USO1: variants seen among roughly 807,000 people sequenced by gnomAD.
USO1 encodes general vesicular transport factor p115.
A neutral mutation model predicts 124.5 loss-of-function variants in USO1; 57 were observed. The ratio of observed to expected loss-of-function variants is 0.46; its 90% CI spans 0.37 to 0.57. The LOEUF is 0.57. USO1 is among the 20% of genes least tolerant of loss of function. USO1 has a pLI of 0.00. For missense variants in USO1, 900 were observed against 1,040.6 expected, an observed-to-expected ratio of 0.86 and a Z score of 1.86; for synonymous variants, 369 against 362.8, an observed-to-expected ratio of 1.02 and a Z score of -0.19.
At chr4:75,726,275 C>CT (rs1392521862) in intron 1 of USO1, among the ~76,000 whole-genome samples, 1 of 117,002 alleles carries the variant, frequency 8.5e-6, no homozygotes, top group Non-Finnish European at 1.6e-5. Context: ...GAGCGAAACT[C>CT]TGTCTCAAAA....
intron 22 of USO1, among the ~76,000 whole-genome samples, chr4:75,811,893 A>C (rs1723160788): frequency 6.6e-6 from 1 of 151,960 alleles, no homozygotes; most frequent in African/African-American, 2.4e-5. Context: ...TGTTTTTTTT[A>C]AGTCTCTTAA....
At chr4:75,769,887 AG>A (rs559131211) in intron 4 of USO1, among the ~76,000 whole-genome samples, 112 of 152,270 alleles carry the variant, frequency 7.4e-4, no homozygotes, top group African/African-American at 2.7e-3. Context: ...AGAATTTTGT[AG>A]GATATGTATA....
intron 21 of USO1, 81 bp downstream of exon 21, chr4:75,809,132 C>G (rs1723074407): frequency 3.7e-5 from 54 of 1,468,536 alleles, no homozygotes; most frequent in Admixed American, 1.1e-4. Flanking sequence ...TAAAAAGAAA[C>G]AAATTCATCA....
At chr4:75,809,151 C>A (rs1723075098) in intron 21 of USO1, 100 bp downstream of exon 21, 12 of 1,345,540 alleles carry the variant, frequency 8.9e-6, no homozygotes, top group Non-Finnish European at 9.7e-6. Context: ...CAGATAGCAC[C>A]TTCTCTTTAG....
At chr4:75,780,148 T>C (rs1192763561) in intron 8 of USO1, among the ~76,000 whole-genome samples, 2 of 152,224 alleles carry the variant, frequency 1.3e-5, no homozygotes, top group African/African-American at 2.4e-5. Flanking sequence ...CACTTCTGTG[T>C]AAGAGCATGG....
chr4:75,806,339 A>G, intron 19 of USO1, 147 bp from the exon 20 acceptor site: 12 of 1,041,976 alleles, frequency 1.2e-5, no homozygotes, highest in Non-Finnish European at 1.6e-5. Flanking sequence ...CTGTGTTGGA[A>G]TTTTATCTTG....
chr4:75,747,145 G>C (rs1398504293), intron 1 of USO1, among the ~76,000 whole-genome samples: 1 of 152,152 alleles, frequency 6.6e-6, no homozygotes, highest in African/African-American at 2.4e-5. Context: ...TGTTTATGAA[G>C]ATAGAGAAGC....
chr4:75,790,841 T>C, intron 12 of USO1, 44 bp downstream of exon 12: 1 of 1,506,936 alleles, frequency 6.6e-7, no homozygotes, highest in Middle Eastern at 2.2e-4. Context: ...AGTAAATCAT[T>C]GTCTTCCAAG....
intron 17 of USO1, 82 bp downstream of exon 17, chr4:75,801,282 C>T (rs1722844198): frequency 7.1e-7 from 1 of 1,415,458 alleles, no homozygotes; most frequent in Admixed American, 2.7e-5. Context: ...TCTGACATTT[C>T]AAATGAAAGA....
chr4:75,801,104 G>A lies in USO1; in HGVS notation c.1890G>A (p.Lys630=). 1 of 1,591,662 alleles carries A rather than the reference G, an allele frequency of 6.3e-7. No homozygotes were observed. The highest frequency in any genetic ancestry group is 8.6e-7 in the Non-Finnish European group (1 of 1,168,528). The part of the protein sequence containing the change: ...LEGVITKAIY[K]SSEEDKKEEE... ...GTGTTATAACTAAGGCTATTTATAA[G>A]TCCAGTGAAGAAGATAAAAAAGAAG... The change falls in exon 17 of 24, where the codon AAG becomes AAA. Residue 630 remains lysine, a synonymous_variant. Coordinates refer to ENST00000514213, the MANE Select transcript of USO1 (RefSeq NM_003715.4).
intron 1 of USO1, among the ~76,000 whole-genome samples, chr4:75,739,131 C>G (rs1222574225): frequency 1.3e-5 from 2 of 152,176 alleles, no homozygotes; most frequent in African/African-American, 4.8e-5. Flanking sequence ...AGATTACAGG[C>G]GTGAGCCACT....
At chr4:75,759,782 A>G (rs908344789) in intron 4 of USO1, among the ~76,000 whole-genome samples, 5 of 151,780 alleles carry the variant, frequency 3.3e-5, no homozygotes, top group African/African-American at 1.2e-4. Context: ...GGTGTTGCAC[A>G]CCTGTAATCT....
chr4:75,759,055 A>C (rs1045218719), intron 4 of USO1, among the ~76,000 whole-genome samples: 2 of 151,282 alleles, frequency 1.3e-5, no homozygotes, highest in Non-Finnish European at 2.9e-5. Context: ...ATTTGCTGGG[A>C]TAATTTTTTC....
intron 1 of USO1, among the ~76,000 whole-genome samples, chr4:75,741,823 T>C (rs558180351): frequency 1.3e-5 from 2 of 152,160 alleles, no homozygotes; most frequent in South Asian, 4.1e-4. Context: ...AGGCTGGTGT[T>C]GAACTCCTGA....
In USO1 at chr4:75,733,125, G is replaced by A. The variant is rs902724047; in HGVS notation, c.66+8240G>A. 4.0e-5 allele frequency among the ~76,000 whole-genome samples: 6 copies of A among 151,430 alleles called. No homozygotes were observed. The South Asian group carries it at 8.4e-4, about 21-fold the overall frequency. ...AATACAAAAATTAGCCGGGCGTGGT[G>A]GCGGGCACCTGTAGTCCCAGCTACT... is the stretch of plus-strand genomic sequence containing the variant. On this transcript the variant is annotated intron_variant, in intron 1 of 23. Coordinates refer to ENST00000514213, the MANE Select transcript of USO1 (RefSeq NM_003715.4).
At chr4:75,796,842 A>G (rs324738) in intron 13 of USO1, among the ~76,000 whole-genome samples, 96,913 of 149,148 alleles carry the variant, frequency 0.65, 33,535 homozygotes, top group East Asian at 0.91. Flanking sequence ...TTATATTAAC[A>G]TACTTAACCC....
chr4:75,725,815 A>G (rs1720421345), intron 1 of USO1, among the ~76,000 whole-genome samples: 1 of 152,180 alleles, frequency 6.6e-6, no homozygotes, highest in South Asian at 2.1e-4. Context: ...TTAATGGCTA[A>G]CTTTGTTAAT....
intron 4 of USO1, among the ~76,000 whole-genome samples, chr4:75,762,656 C>G (rs577673305): frequency 2.6e-5 from 4 of 152,006 alleles, no homozygotes; most frequent in Non-Finnish European, 5.9e-5. Context: ...TGGCCAGGTA[C>G]GGTGGCTCAC....
intron 4 of USO1, among the ~76,000 whole-genome samples, chr4:75,766,199 C>G (rs1721765835): frequency 6.6e-6 from 1 of 152,098 alleles, no homozygotes; most frequent in Non-Finnish European, 1.5e-5. Flanking sequence ...GACTTACAGA[C>G]AACTTTCTGG....
Sources: gnomAD v4.1 joint callset for allele counts (sites outside exome capture counted in the v4.1 genomes callset) on GRCh38, gnomAD v4.1.1 for gene constraint, MANE v1.5 for transcripts, NCBI Gene and HGNC (gene_info 2026-07-23, HGNC 2026-07-21) for gene names.